Variants in RAB38 observed in about 807,000 individuals in gnomAD.
RAB38 encodes the protein RAB38, member RAS oncogene family, also known as ras-related protein Rab-38.
A neutral mutation model predicts 18.4 loss-of-function variants in RAB38; 15 were observed. The observed-to-expected ratio is 0.82, with a 90% CI of 0.55 to 1.26. RAB38 has a LOEUF of 1.26. Among genes scored for constraint, RAB38 ranks in the 50% most tolerant of loss-of-function variants. The probability of loss-of-function intolerance (pLI) is 0.00; values close to 1 mark genes in which losing one functional copy is unlikely to be tolerated. For missense variants in RAB38, 294 were observed against 267.4 expected, an observed-to-expected ratio of 1.10 and a Z score of -0.69; for synonymous variants, 101 against 104.4, an observed-to-expected ratio of 0.97 and a Z score of 0.20.
chr11:87,933,379 A>G, the RAB38 span, among the ~76,000 whole-genome samples: 1 of 152,106 alleles, frequency 6.6e-6, no homozygotes, highest in Non-Finnish European at 1.5e-5. Context: ...TTTCACTCAC[A>G]GAATACATGA....
At chr11:87,976,510 T>C in the RAB38 span, among the ~76,000 whole-genome samples, 1 of 18 alleles carries the variant, frequency 0.056, no homozygotes, top group African/African-American at 0.5. Context: ...ATTTGTAATA[T>C]ATTTATATTT....
chr11:88,026,626 C>T, the RAB38 span, among the ~76,000 whole-genome samples: 1 of 151,188 alleles, frequency 6.6e-6, no homozygotes, highest in Non-Finnish European at 1.5e-5. Flanking sequence ...GATCCGCCCG[C>T]CTCAGCCTCC....
the RAB38 span, among the ~76,000 whole-genome samples, chr11:87,933,086 GAATC>G: frequency 1.3e-5 from 2 of 152,030 alleles, no homozygotes; most frequent in Non-Finnish European, 2.9e-5. Context: ...GAACAAAGAT[GAATC>G]CTCAGTGAAT....
At chr11:87,868,608 A>AGAGAGAGAGAGAGAAGGAGAAG in the RAB38 span, among the ~76,000 whole-genome samples, 1 of 102,988 alleles carries the variant, frequency 9.7e-6, no homozygotes. Context: ...AGAGAGAGAG[A>AGAGAGAGAGAGAGAAGGAGAAG]GAGAGAGAGA....
chr11:87,845,369 GAAGAT>G, the RAB38 span, among the ~76,000 whole-genome samples: 2 of 152,070 alleles, frequency 1.3e-5, no homozygotes, highest in African/African-American at 4.8e-5. Flanking sequence ...AGGTGAATTA[GAAGAT>G]AAGAAAAACT....
At chr11:87,974,637 GAAAATACCTA>G in the RAB38 span, among the ~76,000 whole-genome samples, 1 of 151,202 alleles carries the variant, frequency 6.6e-6, no homozygotes, top group African/African-American at 2.4e-5. Flanking sequence ...AAGAAGCTCA[GAAAATACCTA>G]AAAATATAAA....
the RAB38 span, among the ~76,000 whole-genome samples, chr11:88,034,271 G>A: frequency 6.6e-6 from 1 of 152,128 alleles, no homozygotes; most frequent in Non-Finnish European, 1.5e-5. Flanking sequence ...ACAATTTGCA[G>A]TTTGTTTACA....
At chr11:87,821,120 A>AT in the RAB38 span, among the ~76,000 whole-genome samples, 4 of 152,168 alleles carry the variant, frequency 2.6e-5, no homozygotes, top group South Asian at 4.1e-4. Flanking sequence ...TCCAATCCAC[A>AT]TTTTTTTTAA....
At chr11:87,813,582 G>T in the RAB38 span, among the ~76,000 whole-genome samples, 2 of 151,852 alleles carry the variant, frequency 1.3e-5, no homozygotes, top group Non-Finnish European at 2.9e-5. Flanking sequence ...TCTGGTGAAT[G>T]ATTTTGTTAA....
At chr11:87,877,864 A>G in the RAB38 span, among the ~76,000 whole-genome samples, 11 of 151,596 alleles carry the variant, frequency 7.3e-5, no homozygotes, top group African/African-American at 2.7e-4. Context: ...TGTGTTACAT[A>G]ATTGCCAGAT....
the RAB38 span, among the ~76,000 whole-genome samples, chr11:87,810,648 C>T: frequency 2.0e-5 from 3 of 152,036 alleles, no homozygotes; most frequent in Non-Finnish European, 4.4e-5. Flanking sequence ...ATTCTATGAG[C>T]CAATGGTTAC....
At chr11:87,929,897 T>TC in the RAB38 span, among the ~76,000 whole-genome samples, 2 of 152,250 alleles carry the variant, frequency 1.3e-5, no homozygotes, top group South Asian at 4.1e-4. Flanking sequence ...CATGAACTCA[T>TC]CATTTTTTAT....
intron 2 of RAB38, among the ~76,000 whole-genome samples, chr11:88,122,869 A>T (rs1055681458): frequency 6.6e-6 from 1 of 152,228 alleles, no homozygotes; most frequent in Non-Finnish European, 1.5e-5. Flanking sequence ...ATTGTCCCAA[A>T]TACAGTAGGA....
At chr11:88,107,414 T>G in the RAB38 span, among the ~76,000 whole-genome samples, 1 of 152,134 alleles carries the variant, frequency 6.6e-6, no homozygotes, top group Non-Finnish European at 1.5e-5. Context: ...TACTACTTCT[T>G]CAATTTTAAA....
At chr11:87,955,572 G>A in the RAB38 span, among the ~76,000 whole-genome samples, 27 of 152,116 alleles carry the variant, frequency 1.8e-4, 1 homozygote, top group Non-Finnish European at 2.6e-4. Context: ...TTTGTTTAAC[G>A]AAGCCTAAAG....
At chr11:87,948,868 T>C in the RAB38 span, among the ~76,000 whole-genome samples, 2 of 152,150 alleles carry the variant, frequency 1.3e-5, no homozygotes, top group African/African-American at 2.4e-5. Flanking sequence ...GTTGTGTCTC[T>C]GCCCGGCTTT....
chr11:87,878,416 C>G, the RAB38 span, among the ~76,000 whole-genome samples: 1 of 150,706 alleles, frequency 6.6e-6, no homozygotes, highest in Admixed American at 6.6e-5. Flanking sequence ...TGTGAACACC[C>G]TGGTTATGCA....
At chr11:88,080,040 A>G in the RAB38 span, among the ~76,000 whole-genome samples, 1 of 151,768 alleles carries the variant, frequency 6.6e-6, no homozygotes, top group African/African-American at 2.4e-5. Context: ...GAGATACTAG[A>G]CAGTTCAATA....
chr11:87,977,135 AT>A, the RAB38 span, among the ~76,000 whole-genome samples: 41 of 11,008 alleles, frequency 3.7e-3, 20 homozygotes, highest in East Asian at 1. Flanking sequence ...ATATTATAAA[AT>A]TATATTATAC....
Sources: allele counts gnomAD v4.1 joint callset (sites outside exome capture counted in the v4.1 genomes callset), GRCh38; gene constraint gnomAD v4.1.1; transcripts MANE v1.5; gene names NCBI Gene and HGNC (gene_info 2026-07-23, HGNC 2026-07-21).